The following RASGRP3 variants were observed in gnomAD, a reference collection of about 807,000 sequenced individuals.
The protein encoded by RASGRP3 is RAS guanyl releasing protein 3, also known as ras guanyl-releasing protein 3.
RASGRP3 carries 54 observed loss-of-function variants against 82.7 expected under a neutral mutation model. The observed-to-expected ratio is 0.65, with a 90% CI of 0.52 to 0.82. RASGRP3 has a LOEUF of 0.82. Among genes scored for constraint, RASGRP3 ranks in the 40% least tolerant of loss-of-function variants. The pLI, the probability that RASGRP3 is intolerant of heterozygous loss-of-function variation, is 0.00. For missense variants in RASGRP3, 861 were observed against 828.9 expected (o/e 1.04, Z -0.48); for synonymous variants, 309 against 300.5 (o/e 1.03, Z -0.29).
At position 33,539,124 on chromosome 2, in the gene RASGRP3, C is replaced by A. The variant is rs1202810725; in HGVS notation, c.1192C>A (p.Pro398Thr). The stretch of plus-strand genomic sequence containing the variant: ...TACCTCCCCTACGACGCCCAACAAG[C>A]CTGTGGTACCCCTGGAGTGGGCATT... ...QPTSPTTPNK[P>T]VVPLEWALGV... The change falls in exon 12 of 18, where the codon CCT becomes ACT. Residue 398 changes from proline to threonine, a missense_variant. Coordinates refer to ENST00000403687, the MANE Select transcript of RASGRP3 (RefSeq NM_001139488.2). 9 of 1,610,988 alleles carry A rather than the reference C, an allele frequency of 5.6e-6. No individual in the cohort carries two copies. Among genetic ancestry groups the A allele is most frequent in the African/African-American group, 1.3e-5 (1 of 74,810 alleles).
chr2:33,501,399 T>G (rs1669865194), intron 1 of RASGRP3, among the ~76,000 whole-genome samples: 1 of 152,220 alleles, frequency 6.6e-6, no homozygotes, highest in African/African-American at 2.4e-5. Context: ...TTCAATTCTC[T>G]TGGGTATGTA....
Position 33,558,944 on chromosome 2 carries a change from G to C in RASGRP3, c.1978G>C (p.Val660Leu), listed in dbSNP as rs1387649551. ...FAKWENEKPR[V>L]HAGVDVVDRG... ...CAAATGGGAAAATGAGAAGCCCAGG[G>C]TGCATGCTGGTGTGGATGTTGTAGA... The change falls in exon 17 of 18, where the codon GTG (valine) becomes CTG (leucine). Residue 660 changes from valine (V) to leucine (L), a missense_variant. Physicochemically the swap from Val to Leu is conservative, Grantham distance 32. Transcript: ENST00000403687. 6.2e-7 allele frequency: 1 copy of C among 1,614,036 alleles called. No homozygotes were observed. The highest frequency in any genetic ancestry group is 2.2e-5 in the East Asian group (1 of 44,886).
At chr2:33,525,095 C>CA (rs77134139) in intron 9 of RASGRP3, among the ~76,000 whole-genome samples, 3,953 of 113,888 alleles carry the variant, frequency 0.035, 136 homozygotes, top group African/African-American at 0.1. Context: ...AAAAAAAAAC[C>CA]AAAAAAAAAA....
chr2:33,531,327 C>A (rs2151047445), intron 10 of RASGRP3, among the ~76,000 whole-genome samples: 1 of 152,216 alleles, frequency 6.6e-6, no homozygotes, highest in African/African-American at 2.4e-5. Flanking sequence ...GATGAGCAGC[C>A]CATATTATAA....
chr2:33,502,443 A>G (rs544919225), intron 1 of RASGRP3, among the ~76,000 whole-genome samples: 1 of 151,926 alleles, frequency 6.6e-6, no homozygotes, highest in Non-Finnish European at 1.5e-5. Context: ...CAACCTACCA[A>G]CAACATCCTT....
chr2:33,504,409 G>T (rs999601838), intron 1 of RASGRP3, among the ~76,000 whole-genome samples: 1 of 152,150 alleles, frequency 6.6e-6, no homozygotes, highest in African/African-American at 2.4e-5. Flanking sequence ...ATTGTATGCT[G>T]TTGAGAATGG....
intron 3 of RASGRP3, 135 bp downstream of exon 3, chr2:33,515,341 G>A (rs1372936081): frequency 4.9e-6 from 4 of 823,580 alleles, no homozygotes; most frequent in South Asian, 4.8e-5. Context: ...ATGGACCCGG[G>A]TCTGTCTCTC....
chr2:33,558,167 C>T (rs1169685311), intron 15 of RASGRP3, 44 bp from the exon 16 acceptor site: 6 of 1,592,924 alleles, frequency 3.8e-6, no homozygotes, highest in Admixed American at 1.8e-5. Context: ...ACTGAATCAA[C>T]ATCAGACACA....
At chr2:33,509,229 C>T (rs1287512249) in intron 1 of RASGRP3, among the ~76,000 whole-genome samples, 3 of 151,968 alleles carry the variant, frequency 2.0e-5, no homozygotes, top group Non-Finnish European at 4.4e-5. Context: ...GGGGAAATGT[C>T]CGTTTCTACT....
At chr2:33,508,946 A>G (rs538012019) in intron 1 of RASGRP3, among the ~76,000 whole-genome samples, 3 of 152,320 alleles carry the variant, frequency 2.0e-5, no homozygotes, top group African/African-American at 7.2e-5. Context: ...TTCTATTGTT[A>G]TGGTCTAGTT....
intron 11 of RASGRP3, among the ~76,000 whole-genome samples, chr2:33,536,476 T>A (rs1262317977): frequency 6.6e-6 from 1 of 152,054 alleles, no homozygotes; most frequent in African/African-American, 2.4e-5. Context: ...CCATCCCTCA[T>A]CTCAGGGACA....
chr2:33,452,858 G>A (rs1251234667), intron 2 of RASGRP3, among the ~76,000 whole-genome samples: 1 of 152,200 alleles, frequency 6.6e-6, no homozygotes, highest in Non-Finnish European at 1.5e-5. Flanking sequence ...GGGGCCATAG[G>A]GGCTGGCCCA....
At chr2:33,489,603 T>C (rs1291237105) in intron 1 of RASGRP3, among the ~76,000 whole-genome samples, 1 of 152,230 alleles carries the variant, frequency 6.6e-6, no homozygotes, top group Non-Finnish European at 1.5e-5. Flanking sequence ...TCTGGCTCTA[T>C]TGCCCAGGCT....
chr2:33,553,788 G>A (rs7559049), intron 14 of RASGRP3, among the ~76,000 whole-genome samples: 20,662 of 151,708 alleles, frequency 0.14, 1,916 homozygotes, highest in Non-Finnish European at 0.18. Context: ...TCTCTCTGTC[G>A]CCTGCAGTGG....
chr2:33,513,832 A>G (rs1671169883), intron 2 of RASGRP3: 1 of 152,234 alleles, frequency 6.6e-6, no homozygotes, highest in Admixed American at 6.5e-5. Context: ...TCTGTAACAG[A>G]TAATCTGTCT....
At chr2:33,489,116 T>G (rs1668636400) in intron 1 of RASGRP3, among the ~76,000 whole-genome samples, 1 of 152,172 alleles carries the variant, frequency 6.6e-6, no homozygotes, top group Non-Finnish European at 1.5e-5. Flanking sequence ...TGGCATCTAG[T>G]TAGTAGAGAC....
chr2:33,490,464 C>G (rs1265815869), intron 1 of RASGRP3, among the ~76,000 whole-genome samples: 1 of 152,212 alleles, frequency 6.6e-6, no homozygotes, highest in African/African-American at 2.4e-5. Flanking sequence ...GATCATTTCT[C>G]TTTCTCCTCT....
At chr2:33,446,067 T>C (rs1049729944) in intron 1 of RASGRP3, among the ~76,000 whole-genome samples, 17 of 152,230 alleles carry the variant, frequency 1.1e-4, no homozygotes, top group Non-Finnish European at 2.4e-4. Flanking sequence ...GTGCTTGCCT[T>C]TTCCTGAAGG....
At chr2:33,550,291 G>A (rs1675234483) in intron 14 of RASGRP3, among the ~76,000 whole-genome samples, 1 of 152,160 alleles carries the variant, frequency 6.6e-6, no homozygotes, top group Admixed American at 6.6e-5. Flanking sequence ...CTCATAGCAA[G>A]CCCTTGAAGT....
Sources: allele counts gnomAD v4.1 joint callset (sites outside exome capture counted in the v4.1 genomes callset), GRCh38; gene constraint gnomAD v4.1.1; transcripts MANE v1.5; gene names NCBI Gene and HGNC (gene_info 2026-07-23, HGNC 2026-07-21).